Variants in GRM8 observed in about 807,000 individuals in gnomAD.
GRM8 encodes metabotropic glutamate receptor 8.
In GRM8, 47 loss-of-function variants were observed where a neutral mutation model predicts 87.2. That is an observed-to-expected ratio of 0.54 (90% CI 0.43 to 0.69). The LOEUF is 0.69. Among genes scored for constraint, GRM8 ranks in the 30% least tolerant of loss-of-function variants. The probability of loss-of-function intolerance (pLI) is 0.00; values close to 1 mark genes in which losing one functional copy is unlikely to be tolerated. For synonymous variants in GRM8, 396 were observed against 404.5 expected (o/e 0.98, Z 0.25); for missense variants, 1,019 against 1,139.2 (o/e 0.89, Z 1.52).
Position 127,084,222 on chromosome 7 carries a change from C to T in GRM8, c.727+22274G>A, listed in dbSNP as rs376484208. 14 of 152,228 alleles carry T rather than the reference C, an allele frequency of 9.2e-5. No individual in the cohort carries two copies. The East Asian group carries it at 1.9e-3, about 21-fold the overall frequency. 9.4% of individuals were successfully genotyped at this position (152,228 alleles called of 1,614,324 possible). A position where few individuals can be genotyped will look rare whatever the true frequency, so the allele number is the denominator to read the frequency against. The stretch of plus-strand genomic sequence containing the variant: ...GAGTTAAAAAGATGTTTCTCAACCT[C>T]TAAACAGAGTTGGTGGGCAAGGCAG... On this transcript the variant is annotated intron_variant, in intron 3 of 10. Coordinates refer to ENST00000339582, the MANE Select transcript of GRM8 (RefSeq NM_000845.3).
At chr7:127,103,401 GTGTGTTGC>G (rs1825513681) in intron 3 of GRM8, among the ~76,000 whole-genome samples, 1 of 152,132 alleles carries the variant, frequency 6.6e-6, no homozygotes, top group Non-Finnish European at 1.5e-5. Flanking sequence ...TCATTTAAAA[GTGTGTTGC>G]ACCTCCTCCC....
At chr7:126,525,189 G>C (rs1034843265) in intron 9 of GRM8, among the ~76,000 whole-genome samples, 6 of 152,082 alleles carry the variant, frequency 3.9e-5, no homozygotes, top group Non-Finnish European at 1.5e-5. Context: ...TACCTGGCTC[G>C]CTTCTCTTAA....
chr7:127,015,049 GA>G (rs1815346847), intron 3 of GRM8, among the ~76,000 whole-genome samples: 2 of 122,220 alleles, frequency 1.6e-5, no homozygotes, highest in African/African-American at 5.8e-5. Context: ...AGAAGAAGAA[GA>G]AGAAGAAGAA....
intron 5 of GRM8, among the ~76,000 whole-genome samples, chr7:126,903,182 A>G (rs1802270607): frequency 6.6e-6 from 1 of 152,144 alleles, no homozygotes; most frequent in African/African-American, 2.4e-5. Flanking sequence ...TTATGGAGTC[A>G]TGAACTCAAG....
rs527261210 is a variant in GRM8, at chr7:126,456,842, T to A, written c.2431-10470A>T. Among the ~76,000 whole-genome samples the A allele has an allele frequency of 1.9e-3, 284 of 151,628 alleles. 2 individuals are homozygous for A. Among genetic ancestry groups the A allele is most frequent in the African/African-American group, 6.1e-3 (253 of 41,442 alleles). On this transcript the variant is annotated intron_variant, in intron 9 of 10. Coordinates refer to ENST00000339582, the MANE Select transcript of GRM8 (RefSeq NM_000845.3). ...AATATATATAACATCTACATTTTTTTAAAATGTACAATGTCAGTTATTCAA... is the reference window on the plus strand; with the variant it reads ...AATATATATAACATCTACATTTTTTAAAAATGTACAATGTCAGTTATTCAA...
intron 3 of GRM8, among the ~76,000 whole-genome samples, chr7:126,989,293 G>GT (rs530873485): frequency 6.6e-6 from 1 of 151,840 alleles, no homozygotes; most frequent in Non-Finnish European, 1.5e-5. Context: ...CACTGAATCT[G>GT]TTTTTTTAAA....
intron 7 of GRM8, among the ~76,000 whole-genome samples, chr7:126,637,336 G>C (rs1165791386): frequency 6.6e-6 from 1 of 151,912 alleles, no homozygotes; most frequent in Non-Finnish European, 1.5e-5. Flanking sequence ...AAATGACTAA[G>C]GAACAAAAAT....
chr7:126,651,806 G>T (rs1020103228), intron 7 of GRM8, among the ~76,000 whole-genome samples: 1 of 152,080 alleles, frequency 6.6e-6, no homozygotes, highest in Non-Finnish European at 1.5e-5. Context: ...ATGGAATACA[G>T]TAGATCAATT....
intron 2 of GRM8, among the ~76,000 whole-genome samples, chr7:127,241,495 A>G (rs1798296854): frequency 6.9e-6 from 1 of 145,968 alleles, no homozygotes; most frequent in African/African-American, 2.6e-5. Context: ...GTGCAGTGGC[A>G]TGATCTCGGC....
chr7:126,832,698 T>C (rs1795509763), intron 6 of GRM8, among the ~76,000 whole-genome samples: 1 of 152,196 alleles, frequency 6.6e-6, no homozygotes, highest in Admixed American at 6.5e-5. Flanking sequence ...ACCACATGAC[T>C]ATCCTTCTCA....
intron 2 of GRM8, among the ~76,000 whole-genome samples, chr7:127,200,847 C>A (rs1333038359): frequency 1.3e-5 from 2 of 152,222 alleles, no homozygotes; most frequent in Non-Finnish European, 2.9e-5. Context: ...AATAAAGTCA[C>A]ATTCTCAGAT....
intron 8 of GRM8, among the ~76,000 whole-genome samples, chr7:126,561,595 CTTTTA>C (rs1476343671): frequency 2.0e-5 from 3 of 151,674 alleles, no homozygotes; most frequent in East Asian, 1.9e-4. Context: ...CTTGAATTAT[CTTTTA>C]TTTTATTTAT....
chr7:126,481,722 A>C (rs1267772864), intron 9 of GRM8, among the ~76,000 whole-genome samples: 2 of 152,092 alleles, frequency 1.3e-5, no homozygotes, highest in Non-Finnish European at 2.9e-5. Context: ...CGTGGGATCC[A>C]GGGTTAGATC....
At chr7:127,249,180 C>T (rs537618770) in intron 1 of GRM8, among the ~76,000 whole-genome samples, 44 of 152,288 alleles carry the variant, frequency 2.9e-4, no homozygotes, top group African/African-American at 1.0e-3. Flanking sequence ...ATCTATACTC[C>T]TCTGAGGGCT....
chr7:127,176,312 G>C (rs896512006), intron 2 of GRM8, among the ~76,000 whole-genome samples: 1 of 152,010 alleles, frequency 6.6e-6, no homozygotes, highest in Non-Finnish European at 1.5e-5. Context: ...ATATGAACAT[G>C]GTAGATATTT....
In GRM8 at chr7:126,800,027, C is replaced by A. The variant is rs142820326; in HGVS notation, c.1157-29962G>T. 2.6e-3 allele frequency among the ~76,000 whole-genome samples: 396 copies of A among 152,240 alleles called. 3 individuals are homozygous for A. Among genetic ancestry groups the A allele is most frequent in the African/African-American group, 9.0e-3 (375 of 41,562 alleles). ...AGATAGTTAGAATAGGAATAATCAA[C>A]TTACTTTACAAAATCAGAAAGTGTA... is the stretch of plus-strand genomic sequence containing the variant. On this transcript the variant is annotated intron_variant, in intron 6 of 10. Transcript: ENST00000339582.
At chr7:126,481,604 G>A (rs556588208) in intron 9 of GRM8, among the ~76,000 whole-genome samples, 2 of 152,066 alleles carry the variant, frequency 1.3e-5, no homozygotes, top group South Asian at 2.1e-4. Context: ...ACTTCATGAA[G>A]TTAACTGACC....
intron 3 of GRM8, among the ~76,000 whole-genome samples, chr7:127,047,260 A>C (rs2132455774): frequency 6.6e-6 from 1 of 152,328 alleles, no homozygotes; most frequent in African/African-American, 2.4e-5. Context: ...ACAAAGCCTA[A>C]AATATTGACC....
chr7:126,962,076 A>C (rs1809379095), intron 3 of GRM8, among the ~76,000 whole-genome samples: 1 of 152,224 alleles, frequency 6.6e-6, no homozygotes, highest in Admixed American at 6.5e-5. Context: ...TCATATATAC[A>C]ATGTTCATTT....
Sources: gnomAD v4.1 joint callset for allele counts (sites outside exome capture counted in the v4.1 genomes callset) on GRCh38, gnomAD v4.1.1 for gene constraint, MANE v1.5 for transcripts, NCBI Gene and HGNC (gene_info 2026-07-23, HGNC 2026-07-21) for gene names.